Variants in AGAP1 observed in about 807,000 individuals in gnomAD.
AGAP1 encodes the protein ArfGAP with GTPase domain, ankyrin repeat and PH domain 1, also known as arf-GAP with GTPase, ANK repeat and PH domain-containing protein 1.
A neutral mutation model predicts 105.3 loss-of-function variants in AGAP1; 29 were observed. That is an observed-to-expected ratio of 0.28 (90% CI 0.21 to 0.38). The LOEUF is 0.38. Ranked by LOEUF, AGAP1 falls within the 10% of genes least tolerant of loss-of-function variation. The pLI, the probability that AGAP1 is intolerant of heterozygous loss-of-function variation, is 1.00. For missense variants in AGAP1, 998 were observed against 1,165.1 expected (o/e 0.86, Z 2.09); for synonymous variants, 509 against 485.9 (o/e 1.05, Z -0.63).
intron 1 of AGAP1, among the ~76,000 whole-genome samples, chr2:235,653,886 G>A (rs918754024): frequency 1.2e-4 from 18 of 152,190 alleles, no homozygotes; most frequent in Admixed American, 3.9e-4. Flanking sequence ...GTGAAACCCC[G>A]TCTCTACTAA....
At position 235,631,061 on chromosome 2, in the gene AGAP1, C is replaced by T. The variant is rs1946814397; in HGVS notation, c.164-78118C>T. Among the ~76,000 whole-genome samples the T allele has an allele frequency of 6.6e-6, 1 of 152,118 alleles. No homozygotes were observed. The highest frequency in any genetic ancestry group is 2.4e-5 in the African/African-American group (1 of 41,436). On this transcript the variant is annotated intron_variant, in intron 1 of 17. Transcript: ENST00000304032. This position sits in a 1 kb window ranked among gnomAD's most constrained non-coding sequence, Gnocchi z 5.4. The stretch of plus-strand genomic sequence containing the variant: ...GCCTGTCAAAAATATTTTGACAGGG[C>T]CCACAGTCTAGCTCCTTCATATGCA...
intron 16 of AGAP1, among the ~76,000 whole-genome samples, chr2:236,067,229 G>C (rs1388320002): frequency 1.3e-5 from 2 of 152,100 alleles, no homozygotes; most frequent in Admixed American, 1.3e-4. Flanking sequence ...TGCCAAGTGA[G>C]GGGTAAGTGT....
At chr2:235,913,890 G>A (rs1575765652) in intron 11 of AGAP1, among the ~76,000 whole-genome samples, 1 of 152,126 alleles carries the variant, frequency 6.6e-6, no homozygotes, top group Admixed American at 6.5e-5. Context: ...CATCTTTACT[G>A]TGTGGAGTTC....
intron 1 of AGAP1, among the ~76,000 whole-genome samples, chr2:235,500,290 CGTGA>C (rs1559204011): frequency 6.6e-6 from 1 of 152,026 alleles, no homozygotes; most frequent in Non-Finnish European, 1.5e-5. Context: ...CGAGAGCAAA[CGTGA>C]GTGTGTGTCA....
rs1222381899 is a variant in AGAP1 at position 235,504,323 on chromosome 2, A to G, written c.163+9474A>G. Reference sequence around the variant, plus strand: ...TTTATTGGTCTCTTCTGCCTGTGATATGTGCTTGAGTGGTTGCCTGTTTCG... The same window carrying G: ...TTTATTGGTCTCTTCTGCCTGTGATGTGTGCTTGAGTGGTTGCCTGTTTCG... On this transcript the variant is annotated intron_variant, in intron 1 of 17. Transcript: ENST00000304032. Among the ~76,000 whole-genome samples the G allele has an allele frequency of 2.0e-5, 3 of 148,156 alleles. No homozygotes were observed. In the East Asian group the frequency reaches 6.0e-4, roughly 30 times the overall value.
Position 236,124,434 on chromosome 2 carries a change from C to T in AGAP1, c.*312C>T, listed in dbSNP as rs1476264175. On this transcript the variant is annotated 3_prime_UTR_variant, in exon 18 of 18. Coordinates refer to ENST00000304032, the MANE Select transcript of AGAP1 (RefSeq NM_001037131.3). The surrounding 1 kb of genome is among the most constrained non-coding windows in gnomAD (Gnocchi z 5.1). ...GCGCAGGACCCTTGTCCTGGTGGCA[C>T]AAGGGATGGGGACGCGAGGGGGAGG... 5.3e-5 allele frequency: 20 copies of T among 378,164 alleles called. No individual in the cohort carries two copies. The highest frequency in any genetic ancestry group is 9.7e-5 in the Non-Finnish European group (20 of 205,210). The allele number at this position is 378,164 out of a possible 1,614,324, so 23.4% of individuals were successfully genotyped here.
In AGAP1 at chr2:235,973,412, A is replaced by T. The variant is rs1575937287; in HGVS notation, c.1645+4789A>T. Among the ~76,000 whole-genome samples the T allele has an allele frequency of 1.3e-5, 2 of 152,180 alleles. No individual in the cohort carries two copies. The highest frequency in any genetic ancestry group is 3.9e-4 in the East Asian group (2 of 5,184). On this transcript the variant is annotated intron_variant, in intron 13 of 17. Transcript: ENST00000304032. The surrounding 1 kb of genome is among the most constrained non-coding windows in gnomAD (Gnocchi z 4.7). ...AGGATTACCAGGAGATGTGTGGATG[A>T]CAGAGCCCGTCGCTAGGCTCTTATG...
At chr2:235,745,808 C>G (rs1173567456) in intron 5 of AGAP1, among the ~76,000 whole-genome samples, 2 of 152,176 alleles carry the variant, frequency 1.3e-5, no homozygotes, top group Non-Finnish European at 2.9e-5. Context: ...CTACAAAAGC[C>G]CAGATAAATA....
chr2:235,571,991 CACACACACACACTT>C (rs1458849343), intron 1 of AGAP1, among the ~76,000 whole-genome samples: 3 of 119,528 alleles, frequency 2.5e-5, no homozygotes, highest in Non-Finnish European at 5.2e-5. Context: ...CACACACACA[CACACACACACACTT>C]TTTTTTTTTT....
At chr2:235,537,209 A>G (rs916332754) in intron 1 of AGAP1, among the ~76,000 whole-genome samples, 1 of 152,222 alleles carries the variant, frequency 6.6e-6, no homozygotes, top group Non-Finnish European at 1.5e-5. Context: ...AAGGAAAACA[A>G]TGAGAGCGGG....
At chr2:236,085,215 C>CAAAAAA (rs144353985) in intron 16 of AGAP1, among the ~76,000 whole-genome samples, 1 of 58,404 alleles carries the variant, frequency 1.7e-5, no homozygotes, top group African/African-American at 6.5e-5. Context: ...GACTCCGTCT[C>CAAAAAA]AAAAAAAAAA....
intron 12 of AGAP1, among the ~76,000 whole-genome samples, chr2:235,949,720 C>G (rs1486485816): frequency 6.6e-6 from 1 of 152,126 alleles, no homozygotes; most frequent in Non-Finnish European, 1.5e-5. Context: ...AAAACAAAAG[C>G]AAAACATGAG....
Position 235,882,457 on chromosome 2 carries a change from A to T in AGAP1, c.1051-888A>T. 1 of 1,583,376 alleles carries T rather than the reference A, an allele frequency of 6.3e-7. No individual in the cohort carries two copies. The highest frequency in any genetic ancestry group is 1.1e-5 in the South Asian group (1 of 90,116). ...GTTTTCTTCAGCTTGGCCCTATTGA[A>T]GCTGGCGATTCCCCCCACGTCTGGT... On this transcript the variant is annotated intron_variant, in intron 9 of 17. Coordinates refer to ENST00000304032, the MANE Select transcript of AGAP1 (RefSeq NM_001037131.3). The surrounding 1 kb of genome is among the most constrained non-coding windows in gnomAD (Gnocchi z 4.6).
rs1189370551 is a variant in AGAP1 at position 235,788,754 on chromosome 2, G to A, written c.674-9005G>A. 6.6e-6 allele frequency among the ~76,000 whole-genome samples: 1 copy of A among 152,202 alleles called. No homozygotes were observed. On this transcript the variant is annotated intron_variant, in intron 6 of 17. Coordinates refer to ENST00000304032, the MANE Select transcript of AGAP1 (RefSeq NM_001037131.3). This position sits in a 1 kb window ranked among gnomAD's most constrained non-coding sequence, Gnocchi z 6.0. ...TCTTTCCCAAATGGTGGGGAGAAGT[G>A]CTGGCGGAAGCAGAATGGAGCCCTC...
At position 236,131,733 on chromosome 2, in the gene AGAP1, A is replaced by G. The variant is rs998999824; in HGVS notation, c.*7611A>G. The G allele has an allele frequency of 6.6e-6, 1 of 152,172 alleles. No homozygotes were observed. Among genetic ancestry groups the G allele is most frequent in the Non-Finnish European group, 1.5e-5 (1 of 68,026 alleles). 9.4% of individuals were successfully genotyped at this position (152,172 alleles called of 1,614,324 possible). On this transcript the variant is annotated 3_prime_UTR_variant, in exon 18 of 18. Coordinates refer to ENST00000304032, the MANE Select transcript of AGAP1 (RefSeq NM_001037131.3). This position sits in a 1 kb window ranked among gnomAD's most constrained non-coding sequence, Gnocchi z 5.9. ...AAGAAAAAGAAAGATGTGTAAAGTA[A>G]CAGAGAGAGGTGGCTATGGTGTAGA...
At chr2:235,928,821 T>C (rs949069910) in intron 11 of AGAP1, among the ~76,000 whole-genome samples, 10 of 152,128 alleles carry the variant, frequency 6.6e-5, no homozygotes, top group African/African-American at 2.4e-4. Context: ...GGGAGGAGCA[T>C]GAGTGCTCCC....
chr2:235,941,251 C>T (rs2053244305), intron 12 of AGAP1, among the ~76,000 whole-genome samples: 1 of 152,134 alleles, frequency 6.6e-6, no homozygotes, highest in Non-Finnish European at 1.5e-5. Context: ...ATCATCTTAG[C>T]CTGTTCCTGA....
intron 1 of AGAP1, among the ~76,000 whole-genome samples, chr2:235,567,294 G>A (rs558002535): frequency 5.1e-4 from 78 of 152,344 alleles, no homozygotes; most frequent in African/African-American, 1.5e-3. Flanking sequence ...GGGAAAAGGC[G>A]GAGCGGTGTT....
chr2:235,875,457 G>C lies in AGAP1; in HGVS notation c.1051-7888G>C, dbSNP rs992184427. ...TTGTCAGGGCTGAGAACCCAGCACAGGTCTGTGATGCCCACGAGGCTGTGC... is the reference window on the plus strand; with the variant it reads ...TTGTCAGGGCTGAGAACCCAGCACACGTCTGTGATGCCCACGAGGCTGTGC... On this transcript the variant is annotated intron_variant, in intron 9 of 17. Coordinates refer to ENST00000304032, the MANE Select transcript of AGAP1 (RefSeq NM_001037131.3). This position sits in a 1 kb window ranked among gnomAD's most constrained non-coding sequence, Gnocchi z 4.0. 6.6e-6 allele frequency among the ~76,000 whole-genome samples: 1 copy of C among 152,192 alleles called. No individual in the cohort carries two copies. The highest frequency in any genetic ancestry group is 1.5e-5 in the Non-Finnish European group (1 of 68,036).
Sources: allele counts gnomAD v4.1 joint callset (sites outside exome capture counted in the v4.1 genomes callset), GRCh38; gene constraint gnomAD v4.1.1; non-coding constraint Gnocchi (gnomAD v3.1); transcripts MANE v1.5; gene names NCBI Gene and HGNC (gene_info 2026-07-23, HGNC 2026-07-21).